Variants in DENND1B observed in about 807,000 individuals in gnomAD.
The protein encoded by DENND1B is DENN domain containing 1B.
A neutral mutation model predicts 90.1 loss-of-function variants in DENND1B; 59 were observed. That is an observed-to-expected ratio of 0.65 (90% CI 0.53 to 0.81). The LOEUF (loss-of-function observed/expected upper bound fraction) is 0.81, where lower values mean the gene tolerates loss of function less well. DENND1B is among the 40% of genes least tolerant of loss of function. DENND1B has a pLI of 0.00. For synonymous variants in DENND1B, 337 were observed against 324.6 expected (o/e 1.04, Z -0.41); for missense variants, 862 against 912.6 (o/e 0.94, Z 0.71).
intron 14 of DENND1B, among the ~76,000 whole-genome samples, chr1:197,590,853 A>T (rs1675139353): frequency 6.6e-6 from 1 of 152,140 alleles, no homozygotes; most frequent in Admixed American, 6.6e-5. Flanking sequence ...ATAAGACCAT[A>T]ATAGCCACAC....
chr1:197,556,394 G>T (rs1671720702), intron 15 of DENND1B, among the ~76,000 whole-genome samples: 1 of 151,948 alleles, frequency 6.6e-6, no homozygotes, highest in Admixed American at 6.6e-5. Flanking sequence ...GAAAAATGTG[G>T]TTTAATCATC....
intron 20 of DENND1B, among the ~76,000 whole-genome samples, chr1:197,513,819 T>C (rs1355653912): frequency 1.3e-5 from 2 of 151,458 alleles, no homozygotes; most frequent in African/African-American, 4.8e-5. Flanking sequence ...GGGACTCAGT[T>C]CAACCTTCCC....
intron 10 of DENND1B, among the ~76,000 whole-genome samples, chr1:197,622,850 T>C (rs917554758): frequency 1.3e-5 from 2 of 151,476 alleles, no homozygotes; most frequent in Admixed American, 6.6e-5. Flanking sequence ...AATCAGTCTA[T>C]TAATAAAACT....
At chr1:197,772,977 T>A in intron 1 of DENND1B, 45 bp from the exon 2 acceptor site, 1 of 1,440,474 alleles carries the variant, frequency 6.9e-7, no homozygotes, top group Non-Finnish European at 9.5e-7. Context: ...CAAATAAACA[T>A]CTCCATGAAA....
chr1:197,736,421 T>A (rs1243393340), intron 2 of DENND1B, among the ~76,000 whole-genome samples: 1 of 152,110 alleles, frequency 6.6e-6, no homozygotes, highest in Admixed American at 6.5e-5. Flanking sequence ...CAATCATAGC[T>A]TACTGCAGCC....
In DENND1B at chr1:197,672,045, G is replaced by C. The variant is rs1464760437; in HGVS notation, c.288C>G (p.Cys96Trp). 1 of 1,611,776 alleles carries C rather than the reference G, an allele frequency of 6.2e-7. No individual in the cohort carries two copies. The highest frequency in any genetic ancestry group is 2.2e-5 in the East Asian group (1 of 44,738). The stretch of plus-strand genomic sequence containing the variant: ...TTACTACAAATACTCACCTAAGGAT[G>C]CATAAACAAATTGTGCCTCCTGACG... ...RLTSGGTICL[C>W]ILSYLPWFEV... is the part of the protein sequence containing the mutation. The change falls in exon 5 of 23, where the codon TGC becomes TGG. Residue 96 changes from cysteine to tryptophan, a missense_variant. Coordinates refer to ENST00000620048, the MANE Select transcript of DENND1B (RefSeq NM_001195215.2).
intron 20 of DENND1B, among the ~76,000 whole-genome samples, chr1:197,526,454 C>G (rs931454178): frequency 6.6e-6 from 1 of 151,846 alleles, no homozygotes; most frequent in Admixed American, 6.6e-5. Context: ...AAAACAAAGT[C>G]AAATAGGACA....
At position 197,510,524 on chromosome 1, in the gene DENND1B, A is replaced by T. The variant is rs200343795; in HGVS notation, c.2264T>A (p.Met755Lys). 2.4e-4 allele frequency: 381 copies of T among 1,612,376 alleles called. 1 individual carries two copies. In the East Asian group the frequency reaches 3.9e-3, roughly 17 times the overall value. The part of the protein sequence containing the change: ...LLHEVVSLCH[M>K]TSDFQQSLNI... The stretch of plus-strand genomic sequence containing the variant: ...CAAGCTTTGTTGGAAGTCAGATGTC[A>T]TATGACATAATGACACTACTTCATG... Residue 755 changes from methionine (M) to lysine (K), a missense_variant, in exon 23 of 23, where the codon ATG (methionine) becomes AAG (lysine). By Grantham distance (95) the Met-to-Lys change is moderately conservative (BLOSUM62 -1). Transcript: ENST00000620048.
Position 197,583,193 on chromosome 1 carries a change from G to A in DENND1B, c.1108C>T (p.Gln370Ter). ...FVKHRSSVMKQFLETAINLQL... is the reference protein window; with the variant it reads ...FVKHRSSVMK ...AGGTTAATGGCAGTTTCCAGGAACT[G>A]TTTCATCACGCTTGAGCGGTGCTTT... Residue 370 changes from glutamine (Q) to a stop codon, truncating the protein, a stop_gained, in exon 15 of 23, where the codon CAG (glutamine) becomes TAG (stop). Transcript: ENST00000620048. LOFTEE classifies it high-confidence loss of function. 3.7e-6 allele frequency: 6 copies of A among 1,613,902 alleles called. No individual in the cohort carries two copies. Among genetic ancestry groups the A allele is most frequent in the Non-Finnish European group, 5.1e-6 (6 of 1,179,828 alleles).
At chr1:197,645,836 A>T in intron 8 of DENND1B, 93 bp from the exon 9 acceptor site, 1 of 794,818 alleles carries the variant, frequency 1.3e-6, no homozygotes, top group Non-Finnish European at 1.9e-6. Context: ...ATATTGAGTA[A>T]ATTAAAAAAT....
chr1:197,636,834 G>C (rs1679837619), intron 10 of DENND1B, among the ~76,000 whole-genome samples: 2 of 152,130 alleles, frequency 1.3e-5, no homozygotes, highest in Admixed American at 6.5e-5. Flanking sequence ...GAACCTATAG[G>C]ATGTAGGTGG....
intron 20 of DENND1B, among the ~76,000 whole-genome samples, chr1:197,513,522 TG>T (rs11412586): frequency 5.3e-5 from 8 of 151,214 alleles, no homozygotes; most frequent in African/African-American, 1.9e-4. Context: ...CTGCTGAATC[TG>T]GGGGGTCACA....
intron 11 of DENND1B, among the ~76,000 whole-genome samples, chr1:197,614,657 TTTTTAGG>T (rs1425859195): frequency 6.6e-6 from 1 of 150,866 alleles, no homozygotes; most frequent in Non-Finnish European, 1.5e-5. Flanking sequence ...TTTTTTTTTC[TTTTTAGG>T]TTTTCATACA....
At chr1:197,717,074 G>A (rs1211655379) in intron 2 of DENND1B, among the ~76,000 whole-genome samples, 3 of 151,700 alleles carry the variant, frequency 2.0e-5, no homozygotes, top group Non-Finnish European at 1.5e-5. Context: ...CCTTCAGCAC[G>A]CAAAAAATTA....
chr1:197,723,636 T>G (rs1051236455), intron 2 of DENND1B, among the ~76,000 whole-genome samples: 1 of 152,196 alleles, frequency 6.6e-6, no homozygotes, highest in South Asian at 2.1e-4. Flanking sequence ...TGTAGAAAGA[T>G]GATCTGTCAT....
chr1:197,667,228 T>A (rs746893592), intron 5 of DENND1B, among the ~76,000 whole-genome samples: 22 of 152,148 alleles, frequency 1.4e-4, no homozygotes, highest in Non-Finnish European at 2.9e-4. Flanking sequence ...AGAAATTAAT[T>A]TTAGGTGTCA....
At chr1:197,727,437 A>G (rs557678582) in intron 2 of DENND1B, among the ~76,000 whole-genome samples, 2 of 151,996 alleles carry the variant, frequency 1.3e-5, no homozygotes, top group East Asian at 1.9e-4. Flanking sequence ...TGGGAGGCTG[A>G]GGCAGGAAAA....
intron 22 of DENND1B, 68 bp from the exon 23 acceptor site, chr1:197,511,040 T>C (rs924244179): frequency 7.3e-7 from 1 of 1,376,218 alleles, no homozygotes; most frequent in East Asian, 2.6e-5. Context: ...CTTTTTTCTC[T>C]TTTGAAATAA....
chr1:197,734,263 T>C, intron 2 of DENND1B: 1 of 914,734 alleles, frequency 1.1e-6, no homozygotes, highest in Non-Finnish European at 1.3e-6. Context: ...AAACTATCTG[T>C]AAATTTTTTA....
Sources: allele counts gnomAD v4.1 joint callset (sites outside exome capture counted in the v4.1 genomes callset), GRCh38; gene constraint gnomAD v4.1.1; transcripts MANE v1.5; gene names NCBI Gene and HGNC (gene_info 2026-07-23, HGNC 2026-07-21).